The following STOML1 variants were observed in gnomAD, a reference collection of about 807,000 sequenced individuals.
STOML1 encodes the protein stomatin-like protein 1.
STOML1 carries 27 observed loss-of-function variants against 35.7 expected under a neutral mutation model. That is an observed-to-expected ratio of 0.76 (90% CI 0.56 to 1.04). STOML1 has a LOEUF of 1.04. Among genes scored for constraint, STOML1 ranks in the 50% least tolerant of loss-of-function variants. The probability of loss-of-function intolerance (pLI) is 0.00; values close to 1 mark genes in which losing one functional copy is unlikely to be tolerated. For synonymous variants in STOML1, 219 were observed against 227.9 expected (o/e 0.96, Z 0.35); for missense variants, 451 against 527.1 (o/e 0.86, Z 1.41).
intron 1 of STOML1, among the ~76,000 whole-genome samples, 182 bp from the exon 2 acceptor site, chr15:73,990,639 TC>T (rs955117445): frequency 6.6e-6 from 1 of 152,146 alleles, no homozygotes; most frequent in African/African-American, 2.4e-5. Context: ...TAGGGTCTGT[TC>T]CCTCCTCCCA....
chr15:73,990,951 G>C, intron 1 of STOML1: 1 of 1,481,184 alleles, frequency 6.8e-7, no homozygotes, highest in Non-Finnish European at 8.9e-7. Flanking sequence ...TTAGCCTACA[G>C]GGATAAATCA....
intron 2 of STOML1, chr15:73,990,110 C>G (rs2069222937): frequency 2.1e-6 from 1 of 481,944 alleles, no homozygotes; most frequent in African/African-American, 2.0e-5. Flanking sequence ...TGTCCAGATC[C>G]CAGGACTTAG....
chr15:73,991,684 C>T, intron 1 of STOML1: 1 of 470,286 alleles, frequency 2.1e-6, no homozygotes, highest in South Asian at 1.5e-5. Context: ...CTAGAGGTGC[C>T]CCCTAGGGCG....
chr15:73,994,168 C>G (rs1464026230), upstream of STOML1, among the ~76,000 whole-genome samples: 1 of 152,216 alleles, frequency 6.6e-6, no homozygotes, highest in African/African-American at 2.4e-5. Flanking sequence ...TAGCACACTC[C>G]TTGGGTATCA....
rs2069305743 is a variant in STOML1, at chr15:73,992,250, GCCT to G, written c.-30_-28del. ...GCTTTTGACAGGAGACACGCCCCGCGCCTCCGCGCGGCGCCCTCCCTGGCCAGT... is the reference window on the plus strand; with the variant it reads ...GCTTTTGACAGGAGACACGCCCCGCGCCGCGCGGCGCCCTCCCTGGCCAGT... On this transcript the variant is annotated 5_prime_UTR_variant, in exon 1 of 7. Coordinates refer to ENST00000541638, the MANE Select transcript of STOML1 (RefSeq NM_004809.5). 6.3e-7 allele frequency: 1 copy of G among 1,578,066 alleles called. No homozygotes were observed. The highest frequency in any genetic ancestry group is 1.8e-5 in the Admixed American group (1 of 54,740).
chr15:73,987,415 C>G (rs1204359204), intron 4 of STOML1: 2 of 152,240 alleles, frequency 1.3e-5, no homozygotes, highest in African/African-American at 4.8e-5. Context: ...ACTTAAAGGA[C>G]TCTCACATCC....
At chr15:73,991,603 C>G (rs897246954) in intron 1 of STOML1, 3 of 457,570 alleles carry the variant, frequency 6.6e-6, no homozygotes, top group Non-Finnish European at 1.3e-5. Context: ...AGAAGCAGGG[C>G]AGATCCAACA....
chr15:73,990,210 T>C, intron 2 of STOML1, 141 bp downstream of exon 2: 1 of 737,418 alleles, frequency 1.4e-6, no homozygotes, highest in Non-Finnish European at 2.2e-6. Flanking sequence ...CCAATGTGAA[T>C]GAATGGTTCT....
In STOML1 at chr15:73,988,457, TG is replaced by T; in HGVS notation, c.594+141del. 1.0e-6 allele frequency: 1 copy of T among 989,140 alleles called. No individual in the cohort carries two copies. The highest frequency in any genetic ancestry group is 1.6e-5 in the African/African-American group (1 of 61,592). 61.3% of individuals were successfully genotyped at this position (989,140 alleles called of 1,614,324 possible). ...TCAACTCATGGCCCCACCCAGGCAC[TG>T]GCTCTTCAAAGGTGGTTACACTATT... is the stretch of plus-strand genomic sequence containing the variant. On this transcript the variant is annotated intron_variant, in intron 4 of 6. Coordinates refer to ENST00000541638, the MANE Select transcript of STOML1 (RefSeq NM_004809.5). This position sits in a 1 kb window ranked among gnomAD's most constrained non-coding sequence, Gnocchi z 4.8.
At chr15:73,991,936 C>G in intron 1 of STOML1, 155 bp downstream of exon 1, 1 of 1,212,666 alleles carries the variant, frequency 8.2e-7, no homozygotes. Flanking sequence ...CACCAGGCGC[C>G]GGGTCCAGCC....
At chr15:73,984,945 C>T (rs952919434) in intron 5 of STOML1, 74 bp from the exon 6 acceptor site, 1 of 1,540,712 alleles carries the variant, frequency 6.5e-7, no homozygotes, top group Non-Finnish European at 8.9e-7. Flanking sequence ...GGACCACTCA[C>T]TGTGGCCTCT....
chr15:73,985,555 CCT>C, intron 4 of STOML1, 42 bp from the exon 5 acceptor site: 1 of 1,528,152 alleles, frequency 6.5e-7, no homozygotes, highest in Non-Finnish European at 8.8e-7. Context: ...ATTCAACAAA[CCT>C]TTCCTGAGCA....
At position 73,983,814 on chromosome 15, in the gene STOML1, C is replaced by T. The variant is rs2068998919; in HGVS notation, c.*123G>A. On this transcript the variant is annotated 3_prime_UTR_variant, in exon 7 of 7. Transcript: ENST00000541638. ...GCAGCCTCCATTCATGGGCTCTTGG[C>T]TGGGCCTGAAATTTGTTAGGGCCTC... 1 of 1,170,486 alleles carries T rather than the reference C, an allele frequency of 8.5e-7. No individual in the cohort carries two copies. Among genetic ancestry groups the T allele is most frequent in the Non-Finnish European group, 1.2e-6 (1 of 844,648 alleles). 72.5% of individuals were successfully genotyped at this position (1,170,486 alleles called of 1,614,324 possible).
At chr15:73,992,450 C>T (rs888833469), upstream of STOML1, 4 of 390,100 alleles carry the variant, frequency 1.0e-5, no homozygotes, top group African/African-American at 6.4e-5. Flanking sequence ...TGGGTGTGAT[C>T]GGCGTTCCTC....
chr15:73,991,761 G>T, intron 1 of STOML1: 1 of 543,030 alleles, frequency 1.8e-6, no homozygotes, highest in Non-Finnish European at 3.5e-6. Context: ...CCTAGACCTC[G>T]GTTTCTTCTA....
Position 73,982,022 on chromosome 15 carries a change from T to A in STOML1, c.*1915A>T, listed in dbSNP as rs1039523857. The A allele has an allele frequency of 6.6e-6, 1 of 152,318 alleles. No homozygotes were observed. Among genetic ancestry groups the A allele is most frequent in the African/African-American group, 2.4e-5 (1 of 41,452 alleles). The allele number at this position is 152,318 out of a possible 1,614,324, so 9.4% of individuals were successfully genotyped here. On this transcript the variant is annotated 3_prime_UTR_variant, in exon 7 of 7. Transcript: ENST00000541638. Reference sequence around the variant, plus strand: ...CCCTAAGTTGTGATCTCATTTTTCCTGTCTTCCCTACCCTCCAGCCCTACC... The same window carrying A: ...CCCTAAGTTGTGATCTCATTTTTCCAGTCTTCCCTACCCTCCAGCCCTACC...
At chr15:73,984,573 G>T (rs998770081) in intron 6 of STOML1, 86 bp downstream of exon 6, 5 of 1,480,180 alleles carry the variant, frequency 3.4e-6, no homozygotes, top group Non-Finnish European at 4.6e-6. Flanking sequence ...CAGGAGCAGG[G>T]GGCAGTCTAC....
chr15:73,985,496 C>A lies in STOML1; in HGVS notation c.612G>T (p.Val204=). The part of the protein sequence containing the change: ...SDQLLLEIND[V]TRAWGLEVDR... The stretch of plus-strand genomic sequence containing the variant: ...CTACCTCCAGCCCCCAGGCCCTGGT[C>A]ACATCGTTGATCTCCAGCTGGAGGA... The change falls in exon 5 of 7, where the codon GTG becomes GTT. Residue 204 remains valine (V), a synonymous_variant. Transcript: ENST00000541638. 2 of 1,541,820 alleles carry A rather than the reference C, an allele frequency of 1.3e-6. No homozygotes were observed. The highest frequency in any genetic ancestry group is 1.7e-6 in the Non-Finnish European group (2 of 1,144,678).
At chr15:73,987,724 C>T (rs755838700) in intron 4 of STOML1, 1 of 152,182 alleles carries the variant, frequency 6.6e-6, no homozygotes, top group Non-Finnish European at 1.5e-5. Flanking sequence ...ACAGTAGTAC[C>T]GACTTGCAGC....
Sources: allele counts gnomAD v4.1 joint callset (sites outside exome capture counted in the v4.1 genomes callset), GRCh38; gene constraint gnomAD v4.1.1; non-coding constraint Gnocchi (gnomAD v3.1); transcripts MANE v1.5; gene names NCBI Gene and HGNC (gene_info 2026-07-23, HGNC 2026-07-21).